The following UNC93B1 variants were observed in gnomAD, a reference collection of about 807,000 sequenced individuals.
UNC93B1 encodes unc-93B1 regulator of TLR signaling.
In UNC93B1, 33 loss-of-function variants were observed where a neutral mutation model predicts 56.8. The ratio of observed to expected loss-of-function variants is 0.58; its 90% CI spans 0.44 to 0.78. UNC93B1 has a LOEUF of 0.78. UNC93B1 is among the 30% of genes least tolerant of loss of function. UNC93B1 has a pLI of 0.00. For missense variants in UNC93B1, 673 were observed against 819.5 expected (o/e 0.82, Z 2.18); for synonymous variants, 334 against 358.6 (o/e 0.93, Z 0.77).
At chr11:67,998,557 G>T in intron 5 of UNC93B1, 105 bp from the exon 6 acceptor site, 3 of 1,138,702 alleles carry the variant, frequency 2.6e-6, no homozygotes, top group Admixed American at 3.8e-5. Context: ...GGGAACAGGG[G>T]CCTTCCCAGT....
At chr11:68,002,939 G>T in intron 3 of UNC93B1, 83 bp downstream of exon 3, 2 of 1,473,370 alleles carry the variant, frequency 1.4e-6, no homozygotes, top group Non-Finnish European at 1.8e-6. Flanking sequence ...CACCCCGGCA[G>T]ATGGACACCT....
At chr11:67,997,346 C>A (rs906064420) in intron 7 of UNC93B1, among the ~76,000 whole-genome samples, 4 of 152,230 alleles carry the variant, frequency 2.6e-5, no homozygotes, top group African/African-American at 9.6e-5. Flanking sequence ...GGTCCTGTCC[C>A]CAACCCCCTC....
rs762220369 is a variant in UNC93B1, at chr11:67,999,691, T to C, written c.393-11A>G. The C allele has an allele frequency of 1.6e-5, 26 of 1,608,568 alleles. No individual in the cohort carries two copies. The highest frequency in any genetic ancestry group is 2.1e-5 in the Non-Finnish European group (25 of 1,177,928). ...TTCGTTCCAAAAAACCTGCGGACAG[T>C]GGGAGAGATGCTGGCACCACAGGCC... On this transcript the variant is annotated splice_polypyrimidine_tract_variant and intron_variant, in intron 3 of 10. Transcript: ENST00000227471.
intron 10 of UNC93B1, among the ~76,000 whole-genome samples, chr11:67,992,615 G>T (rs986796635): frequency 6.6e-6 from 1 of 151,350 alleles, no homozygotes; most frequent in Non-Finnish European, 1.5e-5. Flanking sequence ...TGGGATTACA[G>T]GCGTGAGCCA....
Position 67,996,792 on chromosome 11 carries a change from C to G in UNC93B1, c.907-8G>C. 6.5e-7 allele frequency: 1 copy of G among 1,535,674 alleles called. No homozygotes were observed. Among genetic ancestry groups the G allele is most frequent in the Non-Finnish European group, 8.8e-7 (1 of 1,135,168 alleles). On this transcript the variant is annotated splice_polypyrimidine_tract_variant and splice_region_variant and intron_variant, in intron 7 of 10. Coordinates refer to ENST00000227471, the MANE Select transcript of UNC93B1 (RefSeq NM_030930.4). Reference sequence around the variant, plus strand: ...TCCGCACAAACCCAGCACCTGCGAACCCATTACTTGAAGGGGCGGCCAGCC... The same window carrying G: ...TCCGCACAAACCCAGCACCTGCGAAGCCATTACTTGAAGGGGCGGCCAGCC...
Position 67,996,742 on chromosome 11 carries a change from T to C in UNC93B1, c.949A>G (p.Ile317Val), listed in dbSNP as rs1000119825. ...CGAAYRPTEE[I>V]DLRSVGWGNI... Reference sequence around the variant, plus strand: ...CCCCAGCCCACGCTGCGCAGATCGATCTCCTCCGTGGGCCGGTAAGCGGCT... The same window carrying C: ...CCCCAGCCCACGCTGCGCAGATCGACCTCCTCCGTGGGCCGGTAAGCGGCT... Residue 317 changes from isoleucine to valine, a missense_variant, in exon 8 of 11, where the codon ATC becomes GTC. Ile to Val is a conservative substitution (Grantham distance 29). Coordinates refer to ENST00000227471, the MANE Select transcript of UNC93B1 (RefSeq NM_030930.4). The C allele has an allele frequency of 8.3e-6, 13 of 1,561,032 alleles. No homozygotes were observed. The highest frequency in any genetic ancestry group is 1.4e-5 in the African/African-American group (1 of 73,344).
In UNC93B1 at chr11:67,996,770, G is replaced by A. The variant is rs374289063; in HGVS notation, c.921C>T (p.Cys307=). Residue 307 remains cysteine, a synonymous_variant, in exon 8 of 11, where the codon TGC becomes TGT. Transcript: ENST00000227471. ...FLAMLLVLGL[C]GAAYRPTEEI... ...CCTCCGTGGGCCGGTAAGCGGCTCCGCACAAACCCAGCACCTGCGAACCCA... is the reference window on the plus strand; with the variant it reads ...CCTCCGTGGGCCGGTAAGCGGCTCCACACAAACCCAGCACCTGCGAACCCA... The A allele has an allele frequency of 1.9e-6, 3 of 1,558,374 alleles. No homozygotes were observed. The highest frequency in any genetic ancestry group is 1.4e-5 in the African/African-American group (1 of 73,346).
intron 4 of UNC93B1, 106 bp from the exon 5 acceptor site, chr11:67,999,411 G>C (rs753130020): frequency 1.8e-5 from 28 of 1,548,764 alleles, no homozygotes; most frequent in Middle Eastern, 1.7e-4. Flanking sequence ...GGGAAACTGA[G>C]GCCCAGAGGG....
intron 8 of UNC93B1, among the ~76,000 whole-genome samples, chr11:67,996,321 G>C (rs1291183378): frequency 6.6e-6 from 1 of 152,040 alleles, no homozygotes; most frequent in African/African-American, 2.4e-5. Context: ...GGGCAGGTGT[G>C]AAAATGCTTG....
In UNC93B1 at chr11:67,999,696, G is replaced by A; in HGVS notation, c.393-16C>T. 1.2e-6 allele frequency: 2 copies of A among 1,607,994 alleles called. No homozygotes were observed. The highest frequency in any genetic ancestry group is 8.5e-7 in the Non-Finnish European group (1 of 1,177,624). ...TCCAAAAAACCTGCGGACAGTGGGA[G>A]AGATGCTGGCACCACAGGCCTGCTG... On this transcript the variant is annotated splice_polypyrimidine_tract_variant and intron_variant, in intron 3 of 10. Transcript: ENST00000227471.
chr11:67,995,847 G>A lies in UNC93B1; in HGVS notation c.1127C>T (p.Ala376Val). 6.5e-7 allele frequency: 1 copy of A among 1,537,972 alleles called. No homozygotes were observed. Among genetic ancestry groups the A allele is most frequent in the Non-Finnish European group, 8.7e-7 (1 of 1,143,782 alleles). The stretch of plus-strand genomic sequence containing the variant: ...CAGGCTGTAAGCCACGAGGAGGTAA[G>A]CCAGCCGCTCCAGCCCCACCGAGCA... ...GVCSVGLERL[A>V]YLLVAYSLGA... The change falls in exon 9 of 11, where the codon GCT becomes GTT. Residue 376 changes from alanine to valine, a missense_variant. Around this residue, in one of 3 missense-constraint regions of UNC93B1, gnomAD observed 155 missense variants for 268.3 expected, o/e 0.58. Coordinates refer to ENST00000227471, the MANE Select transcript of UNC93B1 (RefSeq NM_030930.4).
rs1301666085 is a variant in UNC93B1, at chr11:67,993,247, C to T, written c.1482+429G>A. 6.0e-5 allele frequency among the ~76,000 whole-genome samples: 9 copies of T among 151,116 alleles called. No individual in the cohort carries two copies. The South Asian group carries it at 1.7e-3, about 28-fold the overall frequency. Reference sequence around the variant, plus strand: ...CAGGCAATCCACTCGCCTCGGCCTCCCAAAGTGCTGGGATTACAGGCGTGA... The same window carrying T: ...CAGGCAATCCACTCGCCTCGGCCTCTCAAAGTGCTGGGATTACAGGCGTGA... On this transcript the variant is annotated intron_variant, in intron 10 of 10. Transcript: ENST00000227471.
At chr11:67,993,891 G>C (rs548772760) in intron 9 of UNC93B1, 97 bp from the exon 10 acceptor site, 1 of 856,474 alleles carries the variant, frequency 1.2e-6, no homozygotes, top group African/African-American at 1.7e-5. Context: ...GCCCTGTATG[G>C]GTCCCAGCCC....
chr11:67,998,474 G>GGACCA lies in UNC93B1; in HGVS notation c.688-27_688-23dup. On this transcript the variant is annotated intron_variant, in intron 5 of 10. Coordinates refer to ENST00000227471, the MANE Select transcript of UNC93B1 (RefSeq NM_030930.4). ...TCAGCTGCAGAAACAAGGGCAGTTG[G>GGACCA]GACCAGACTCAGGCACAGAGCCAGG... 4 of 1,613,020 alleles carry GGACCA rather than the reference G, an allele frequency of 2.5e-6. No individual in the cohort carries two copies. The South Asian group carries it at 4.4e-5, about 18-fold the overall frequency.
intron 8 of UNC93B1, 57 bp downstream of exon 8, chr11:67,996,545 C>G: frequency 3.4e-6 from 5 of 1,473,682 alleles, no homozygotes; most frequent in Non-Finnish European, 4.5e-6. Context: ...TACTTGAATT[C>G]AAATTTACCT....
intron 7 of UNC93B1, 65 bp from the exon 8 acceptor site, chr11:67,996,849 C>A (rs1387320936): frequency 6.2e-6 from 9 of 1,445,342 alleles, no homozygotes; most frequent in Non-Finnish European, 8.2e-6. Flanking sequence ...GCTTCAGCCC[C>A]GCCCTTCAGA....
rs1479531261 is a variant in UNC93B1 at position 68,003,948 on chromosome 11, CG to C, written c.95del (p.Pro32ArgfsTer55). On this transcript the variant is annotated frameshift_variant and splice_region_variant, in exon 1 of 11. Transcript: ENST00000227471. LOFTEE classifies it high-confidence loss of function. This position sits in a 1 kb window ranked among gnomAD's most constrained non-coding sequence, Gnocchi z 4.4. ...LLGVPDGPEA[P>X]LDELVGAYPN... The stretch of plus-strand genomic sequence containing the variant: ...CCTCGCACTCCGGGTCCCCGCTCAC[CG>C]GGGCCTCGGGCCCGTCCGGGACCCC... 3 of 1,382,950 alleles carry C rather than the reference CG, an allele frequency of 2.2e-6. No individual in the cohort carries two copies. Among genetic ancestry groups the C allele is most frequent in the Non-Finnish European group, 1.9e-6 (2 of 1,063,966 alleles). 85.7% of individuals were successfully genotyped at this position (1,382,950 alleles called of 1,614,324 possible).
Position 67,995,582 on chromosome 11 carries a change from C to CA in UNC93B1, c.1363+28_1363+29insT, listed in dbSNP as rs781424003. 62 of 212,068 alleles carry CA rather than the reference C, an allele frequency of 2.9e-4. 3 individuals are homozygous for CA. The highest frequency in any genetic ancestry group is 1.9e-3 in the African/African-American group (59 of 30,438). The allele number at this position is 212,068 out of a possible 1,614,324, so 13.1% of individuals were successfully genotyped here. A position where few individuals can be genotyped will look rare whatever the true frequency, so the allele number is the denominator to read the frequency against. ...CCATAAAGCCCCCTGCCCCGCCCCC[C>CA]CCCCCCCAGTGCCCACAGCTATACT... is the stretch of plus-strand genomic sequence containing the variant. On this transcript the variant is annotated intron_variant, in intron 9 of 10. Coordinates refer to ENST00000227471, the MANE Select transcript of UNC93B1 (RefSeq NM_030930.4).
chr11:68,000,620 G>A (rs7128338), intron 3 of UNC93B1, among the ~76,000 whole-genome samples: 2,201 of 152,156 alleles, frequency 0.014, 46 homozygotes, highest in African/African-American at 0.047. Flanking sequence ...AGCTGAGATC[G>A]CGTCACCGCA....
Sources: allele counts gnomAD v4.1 joint callset (sites outside exome capture counted in the v4.1 genomes callset), GRCh38; gene constraint gnomAD v4.1.1; regional missense constraint gnomAD v4.1.1; non-coding constraint Gnocchi (gnomAD v3.1); transcripts MANE v1.5; gene names NCBI Gene and HGNC (gene_info 2026-07-23, HGNC 2026-07-21).